Variants in FLT4 observed in about 807,000 individuals in gnomAD.
The protein encoded by FLT4 is vascular endothelial growth factor receptor 3.
In FLT4, 30 loss-of-function variants were observed where a neutral mutation model predicts 163.2. The ratio of observed to expected loss-of-function variants is 0.18; its 90% CI spans 0.14 to 0.25. The LOEUF (loss-of-function observed/expected upper bound fraction) is 0.25, where lower values mean the gene tolerates loss of function less well. Among genes scored for constraint, FLT4 ranks in the 10% least tolerant of loss-of-function variants. FLT4 has a pLI of 1.00. For synonymous variants in FLT4, 884 were observed against 789.5 expected (o/e 1.12, Z -2.01); for missense variants, 1,510 against 1,863.8 (o/e 0.81, Z 3.50).
chr5:180,614,060 G>A lies in FLT4; in HGVS notation c.3331+8C>T, dbSNP rs368118893. On this transcript the variant is annotated splice_region_variant and intron_variant, in intron 24 of 29. Coordinates refer to ENST00000261937, the MANE Select transcript of FLT4 (RefSeq NM_182925.5). ...CCTCTCCCCACCGGCACCCCATCCT[G>A]CACTCACCCAGAGAGAAGATCTCCC... 5 of 1,588,648 alleles carry A rather than the reference G, an allele frequency of 3.1e-6. No homozygotes were observed. Among genetic ancestry groups the A allele is most frequent in the Admixed American group, 3.3e-5 (2 of 59,986 alleles).
Position 180,611,356 on chromosome 5 carries a change from G to A in FLT4, c.3661C>T (p.Leu1221=), listed in dbSNP as rs1203822165. Residue 1221 remains leucine (L), a synonymous_variant, in exon 27 of 30, where the codon CTG becomes TTG. Coordinates refer to ENST00000261937, the MANE Select transcript of FLT4 (RefSeq NM_182925.5). ...CTGGCGGCCAGGCTGTGGCGCTGCA[G>A]GCTTGGCGGGCTGTCCTCAGCGTCA... ...QADAEDSPPS[L]QRHSLAARYY... 2 of 1,613,878 alleles carry A rather than the reference G, an allele frequency of 1.2e-6. No individual in the cohort carries two copies. The highest frequency in any genetic ancestry group is 3.3e-5 in the Admixed American group (2 of 60,030).
At chr5:180,608,414 G>A in intron 29 of FLT4, 1 of 691,736 alleles carries the variant, frequency 1.4e-6, no homozygotes. Flanking sequence ...CAGCCATTCG[G>A]GGCCACTACC....
chr5:180,637,437 C>G (rs1764774786), intron 1 of FLT4, among the ~76,000 whole-genome samples: 1 of 152,218 alleles, frequency 6.6e-6, no homozygotes, highest in African/African-American at 2.4e-5. Context: ...ATGCCTCCTG[C>G]CTGCAAACCA....
chr5:180,612,463 G>A (rs775900691), intron 26 of FLT4, 43 bp downstream of exon 26: 3 of 1,450,970 alleles, frequency 2.1e-6, no homozygotes, highest in Non-Finnish European at 2.9e-6. Flanking sequence ...ACCCAGGGCA[G>A]GGGCCAAAGG....
At chr5:180,615,411 C>G (rs1374124153) in intron 23 of FLT4, among the ~76,000 whole-genome samples, 7 of 132,632 alleles carry the variant, frequency 5.3e-5, no homozygotes, top group Non-Finnish European at 8.3e-5. Context: ...CGCTGGTCAC[C>G]TCCCTTCTCC....
At chr5:180,619,201 C>A in intron 19 of FLT4, 52 bp downstream of exon 19, 1 of 1,387,036 alleles carries the variant, frequency 7.2e-7, no homozygotes, top group Non-Finnish European at 9.4e-7. Context: ...CTCCCGCCCG[C>A]GGCGCCCCGC....
At chr5:180,605,287 T>C (rs1234663930) in intron 29 of FLT4, among the ~76,000 whole-genome samples, 2 of 152,224 alleles carry the variant, frequency 1.3e-5, no homozygotes, top group African/African-American at 4.8e-5. Context: ...TTTCGATTTC[T>C]TTCCTGAATT....
At position 180,621,348 on chromosome 5, in the gene FLT4, G is replaced by A. The variant is rs535385618; in HGVS notation, c.2021-96C>T. On this transcript the variant is annotated intron_variant, in intron 13 of 29. Transcript: ENST00000261937. Reference sequence around the variant, plus strand: ...CAGAGGTAGAAAAGGATCCCTGGAAGCTGGACTTAGGGGTTGTGCGCCGGG... The same window carrying A: ...CAGAGGTAGAAAAGGATCCCTGGAAACTGGACTTAGGGGTTGTGCGCCGGG... 4 of 1,477,958 alleles carry A rather than the reference G, an allele frequency of 2.7e-6. No homozygotes were observed. In the South Asian group the frequency reaches 5.2e-5, roughly 19 times the overall value. 91.6% of individuals were successfully genotyped at this position (1,477,958 alleles called of 1,614,324 possible). A position where few individuals can be genotyped will look rare whatever the true frequency, so the allele number is the denominator to read the frequency against.
intron 1 of FLT4, among the ~76,000 whole-genome samples, chr5:180,645,816 G>A (rs1307787066): frequency 6.6e-6 from 1 of 152,140 alleles, no homozygotes; most frequent in Non-Finnish European, 1.5e-5. Flanking sequence ...GAAAAGGATC[G>A]AAACTCAGGA....
chr5:180,636,717 C>A lies in FLT4; in HGVS notation c.59-4939G>T. ...TGGACCTGGTCATCACCAGAGACCG[C>A]GCCATCCCGGAACACCTGTCTTCTA... On this transcript the variant is annotated intron_variant, in intron 1 of 29. Coordinates refer to ENST00000261937, the MANE Select transcript of FLT4 (RefSeq NM_182925.5). The surrounding 1 kb of genome is among the most constrained non-coding windows in gnomAD (Gnocchi z 4.3). Among the ~76,000 whole-genome samples, 1 of 152,076 alleles carries A rather than the reference C, an allele frequency of 6.6e-6. No homozygotes were observed. Among genetic ancestry groups the A allele is most frequent in the Non-Finnish European group, 1.5e-5 (1 of 68,018 alleles).
At chr5:180,610,467 T>C (rs959742996) in intron 27 of FLT4, among the ~76,000 whole-genome samples, 1 of 152,228 alleles carries the variant, frequency 6.6e-6, no homozygotes, top group Non-Finnish European at 1.5e-5. Flanking sequence ...CCCCCAGGCC[T>C]AGCCCTGCCG....
At position 180,616,436 on chromosome 5, in the gene FLT4, C is replaced by T. The variant is rs780150246; in HGVS notation, c.3150G>A (p.Val1050=). Residue 1050 remains valine, a synonymous_variant, in exon 23 of 30, where the codon GTG becomes GTA. Coordinates refer to ENST00000261937, the MANE Select transcript of FLT4 (RefSeq NM_182925.5). The part of the protein sequence containing the change: ...ARNILLSESD[V]VKICDFGLAR... ...CAAGGCCAAAGTCACAGATCTTCAC[C>T]ACGTCGCTTTCCGACAGCAGAATGT... The T allele has an allele frequency of 2.5e-6, 4 of 1,613,866 alleles. No homozygotes were observed. The African/African-American group carries it at 5.3e-5, about 22-fold the overall frequency.
In FLT4 at chr5:180,620,278, G is replaced by A. The variant is rs1469318162; in HGVS notation, c.2437C>T (p.Leu813=). The stretch of plus-strand genomic sequence containing the variant: ...TCCCCGGGGTCCATGATGATGGACA[G>A]GTAGCCCGTCTTGATGTCTGCGTGG... ...PAHADIKTGY[L]SIIMDPGEVP... Residue 813 remains leucine, a synonymous_variant, in exon 17 of 30, where the codon CTG becomes TTG. Transcript: ENST00000261937. The surrounding 1 kb of genome is among the most constrained non-coding windows in gnomAD (Gnocchi z 4.4). 1.2e-6 allele frequency: 2 copies of A among 1,612,060 alleles called. No individual in the cohort carries two copies. Among genetic ancestry groups the A allele is most frequent in the African/African-American group, 2.7e-5 (2 of 74,938 alleles).
intron 2 of FLT4, among the ~76,000 whole-genome samples, chr5:180,631,275 C>T (rs916211030): frequency 6.6e-6 from 1 of 151,896 alleles, no homozygotes; most frequent in Non-Finnish European, 1.5e-5. Flanking sequence ...AGATCAAGAC[C>T]ATCCTGCTTA....
rs2127795670 is a variant in FLT4 at position 180,613,084 on chromosome 5, T to C, written c.3358A>G (p.Ile1120Val). Residue 1120 changes from isoleucine to valine, a missense_variant, in exon 25 of 30, where the codon ATC becomes GTC. Physicochemically the swap from Ile to Val is conservative, Grantham distance 29 (BLOSUM62 3). Coordinates refer to ENST00000261937, the MANE Select transcript of FLT4 (RefSeq NM_182925.5). ...AGCCGCTGGCAGAACTCCTCATTGA[T>C]CTGCACCCCAGGGTACGGGGAGGCC... is the stretch of plus-strand genomic sequence containing the variant. The part of the protein sequence containing the change: ...LGASPYPGVQ[I>V]NEEFCQRLRD... 1 of 1,613,556 alleles carries C rather than the reference T, an allele frequency of 6.2e-7. No homozygotes were observed. The highest frequency in any genetic ancestry group is 1.1e-5 in the South Asian group (1 of 91,036).
chr5:180,603,656 C>CT (rs1318215838), intron 29 of FLT4, among the ~76,000 whole-genome samples: 1 of 152,184 alleles, frequency 6.6e-6, no homozygotes, highest in African/African-American at 2.4e-5. Flanking sequence ...AATCCCAGCA[C>CT]TTTGCTGGGA....
intron 2 of FLT4, among the ~76,000 whole-genome samples, chr5:180,631,455 A>T (rs957619928): frequency 2.0e-5 from 3 of 151,882 alleles, no homozygotes; most frequent in African/African-American, 7.3e-5. Context: ...CCTGGGTGAC[A>T]GAGTGAGACT....
At chr5:180,640,423 C>T (rs1561757576) in intron 1 of FLT4, among the ~76,000 whole-genome samples, 1 of 152,176 alleles carries the variant, frequency 6.6e-6, no homozygotes. Context: ...TCAGGCCAGA[C>T]CCCAGCCCGG....
Position 180,630,539 on chromosome 5 carries a change from C to A in FLT4, c.400+16G>T, listed in dbSNP as rs373889426. On this transcript the variant is annotated intron_variant, in intron 3 of 29. Transcript: ENST00000261937. The surrounding 1 kb of genome is among the most constrained non-coding windows in gnomAD (Gnocchi z 6.3). ...CCCGGGACCCTGCTCCAGCCTGGCC[C>A]GCCTCCAAGTCTCACCTCTCACGAA... is the stretch of plus-strand genomic sequence containing the variant. 1.2e-6 allele frequency: 2 copies of A among 1,612,436 alleles called. No homozygotes were observed.
Sources: gnomAD v4.1 joint callset for allele counts (sites outside exome capture counted in the v4.1 genomes callset) on GRCh38, gnomAD v4.1.1 for gene constraint, Gnocchi (gnomAD v3.1) non-coding constraint, MANE v1.5 for transcripts, NCBI Gene and HGNC (gene_info 2026-07-23, HGNC 2026-07-21) for gene names.